Variants in HEATR4 observed in about 807,000 individuals in gnomAD.
The protein encoded by HEATR4 is HEAT repeat-containing protein 4.
HEATR4 carries 95 observed loss-of-function variants against 108.8 expected under a neutral mutation model. The ratio of observed to expected loss-of-function variants is 0.87; its 90% CI spans 0.74 to 1.04. The LOEUF is 1.04. Among genes scored for constraint, HEATR4 ranks in the 50% least tolerant of loss-of-function variants. HEATR4 has a pLI of 0.00. For synonymous variants in HEATR4, 443 were observed against 459.4 expected (o/e 0.96, Z 0.46); for missense variants, 1,152 against 1,253.8 (o/e 0.92, Z 1.23).
chr14:73,614,712 A>C, the HEATR4 span, among the ~76,000 whole-genome samples: 1 of 148,594 alleles, frequency 6.7e-6, no homozygotes, highest in Non-Finnish European at 1.5e-5. Context: ...GCGCCACTAC[A>C]CTTCAGCCTG....
At chr14:73,629,682 T>C in the HEATR4 span, among the ~76,000 whole-genome samples, 4 of 151,834 alleles carry the variant, frequency 2.6e-5, no homozygotes, top group Admixed American at 2.6e-4. Flanking sequence ...TCTCACTCTG[T>C]TGCCCAGGCT....
At chr14:73,561,904 G>C (rs957733179), upstream of HEATR4, among the ~76,000 whole-genome samples, 12 of 152,104 alleles carry the variant, frequency 7.9e-5, no homozygotes, top group African/African-American at 2.9e-4. Context: ...AGGATTGCTT[G>C]CACCTGGGTG....
At chr14:73,496,871 T>G (rs1262695478) in intron 14 of HEATR4, among the ~76,000 whole-genome samples, 192 bp from the exon 15 acceptor site, 1 of 152,134 alleles carries the variant, frequency 6.6e-6, no homozygotes, top group Non-Finnish European at 1.5e-5. Context: ...TTTGAGACAA[T>G]ATATTTGTGG....
At chr14:73,518,840 G>T (rs2140292880) in intron 5 of HEATR4, among the ~76,000 whole-genome samples, 183 bp downstream of exon 5, 1 of 152,288 alleles carries the variant, frequency 6.6e-6, no homozygotes, top group South Asian at 2.1e-4. Context: ...GCTCTTCCTA[G>T]TTATAGTTAG....
the HEATR4 span, chr14:73,612,670 G>T: frequency 2.1e-6 from 3 of 1,413,864 alleles, no homozygotes; most frequent in African/African-American, 4.5e-5. Context: ...AGCCAGTCAC[G>T]CTGCGCACGT....
rs759147551 is a variant in HEATR4 at position 73,492,686 on chromosome 14, C to T, written c.2844+380G>A. 4 of 1,613,936 alleles carry T rather than the reference C, an allele frequency of 2.5e-6. No individual in the cohort carries two copies. Among genetic ancestry groups the T allele is most frequent in the Non-Finnish European group, 3.4e-6 (4 of 1,179,886 alleles). On this transcript the variant is annotated intron_variant, in intron 17 of 17. Transcript: ENST00000553558. The surrounding 1 kb of genome is among the most constrained non-coding windows in gnomAD (Gnocchi z 4.9). Reference sequence around the variant, plus strand: ...CCATATGCTTCAGGATGGGATAGCTCGGCTGGTGGGTGAGGGGGGCCATTT... The same window carrying T: ...CCATATGCTTCAGGATGGGATAGCTTGGCTGGTGGGTGAGGGGGGCCATTT...
chr14:73,562,727 C>T (rs11159026), upstream of HEATR4, among the ~76,000 whole-genome samples: 6 of 152,076 alleles, frequency 3.9e-5, no homozygotes, highest in South Asian at 4.2e-4. Context: ...GACTGAGATA[C>T]GCCCTGGTCT....
In HEATR4 at chr14:73,512,144, C is replaced by G. The variant is rs376585302; in HGVS notation, c.1420G>C (p.Glu474Gln). 5.0e-6 allele frequency: 8 copies of G among 1,613,996 alleles called. No individual in the cohort carries two copies. Among genetic ancestry groups the G allele is most frequent in the Non-Finnish European group, 6.8e-6 (8 of 1,180,014 alleles). The change falls in exon 7 of 18, where the codon GAG (glutamate) becomes CAG (glutamine). Residue 474 changes from glutamate to glutamine, a missense_variant. By Grantham distance (29) the Glu-to-Gln change is conservative. Transcript: ENST00000553558. Reference sequence around the variant, plus strand: ...TTCTCTACTGTCTCATGGTGCCACTCTATGACTGAGCCGCAGTGAGGGAAA... The same window carrying G: ...TTCTCTACTGTCTCATGGTGCCACTGTATGACTGAGCCGCAGTGAGGGAAA... ...EWKTAWALII[E>Q]WHHETVENLL...
the HEATR4 span, chr14:73,612,836 G>C: frequency 7.0e-7 from 1 of 1,429,062 alleles, no homozygotes; most frequent in Non-Finnish European, 9.3e-7. Context: ...GCCCGAGAAA[G>C]CCTTGGTGCG....
At chr14:73,593,889 G>C in the HEATR4 span, 4 of 1,612,174 alleles carry the variant, frequency 2.5e-6, no homozygotes, top group Non-Finnish European at 3.4e-6. Context: ...TATGCTACAT[G>C]CTTCAACATC....
chr14:73,583,560 C>T, the HEATR4 span, among the ~76,000 whole-genome samples: 1 of 152,138 alleles, frequency 6.6e-6, no homozygotes, highest in South Asian at 2.1e-4. Context: ...ACAGTTACCA[C>T]GTTGCCTCTC....
intron 10 of HEATR4, among the ~76,000 whole-genome samples, chr14:73,505,453 G>A (rs1408287851): frequency 6.6e-6 from 1 of 152,026 alleles, no homozygotes; most frequent in Non-Finnish European, 1.5e-5. Flanking sequence ...CTGGAGTGCA[G>A]TGGTGCGATC....
At chr14:73,596,667 C>T in the HEATR4 span, among the ~76,000 whole-genome samples, 1 of 152,000 alleles carries the variant, frequency 6.6e-6, no homozygotes, top group Non-Finnish European at 1.5e-5. Flanking sequence ...GGCATGATCT[C>T]AGCTCACTGC....
intron 7 of HEATR4, among the ~76,000 whole-genome samples, chr14:73,511,724 C>T (rs1361021529): frequency 6.6e-6 from 1 of 151,688 alleles, no homozygotes; most frequent in Non-Finnish European, 1.5e-5. Flanking sequence ...AAAACAAAAA[C>T]AAAAAAGAAT....
At chr14:73,526,877 CT>C (rs1888372379) in intron 2 of HEATR4, among the ~76,000 whole-genome samples, 1 of 152,100 alleles carries the variant, frequency 6.6e-6, no homozygotes, top group African/African-American at 2.4e-5. Context: ...GCACTGCCAT[CT>C]GTGGTGGCCA....
the HEATR4 span, among the ~76,000 whole-genome samples, chr14:73,605,333 C>T: frequency 1.8e-3 from 275 of 152,208 alleles, 8 homozygotes; most frequent in East Asian, 0.043. Flanking sequence ...CTAACTTAAC[C>T]GACTCCACCT....
intron 17 of HEATR4, chr14:73,491,517 C>T (rs1248288448): frequency 2.6e-6 from 4 of 1,514,930 alleles, no homozygotes; most frequent in Non-Finnish European, 3.5e-6. Context: ...CCTGCGACGG[C>T]GTCGGGGCCG....
At chr14:73,560,523 C>T (rs1464506203), upstream of HEATR4, among the ~76,000 whole-genome samples, 11 of 151,796 alleles carry the variant, frequency 7.2e-5, no homozygotes, top group African/African-American at 2.7e-4. Context: ...ATTAGCCAGG[C>T]GTGGTGGCAG....
chr14:73,495,022 G>T (rs571852095), intron 16 of HEATR4, among the ~76,000 whole-genome samples: 2 of 150,414 alleles, frequency 1.3e-5, no homozygotes, highest in African/African-American at 4.9e-5. Context: ...TTTTTTTAAG[G>T]GAGAAAATAA....
Sources: gnomAD v4.1 joint callset for allele counts (sites outside exome capture counted in the v4.1 genomes callset) on GRCh38, gnomAD v4.1.1 for gene constraint, Gnocchi (gnomAD v3.1) non-coding constraint, MANE v1.5 for transcripts, NCBI Gene and HGNC (gene_info 2026-07-23, HGNC 2026-07-21) for gene names.